Variants in AFF3 observed in about 807,000 individuals in gnomAD.
The protein encoded by AFF3 is AF4/FMR2 family member 3.
Under a neutral mutation model 129.7 loss-of-function variants are expected in AFF3, and 32 were observed. The observed-to-expected ratio is 0.25, with a 90% CI of 0.19 to 0.33. The LOEUF (loss-of-function observed/expected upper bound fraction) is 0.33, where lower values mean the gene tolerates loss of function less well. Among genes scored for constraint, AFF3 ranks in the 10% least tolerant of loss-of-function variants. AFF3 has a pLI of 1.00. For synonymous variants in AFF3, 644 were observed against 635.4 expected, an observed-to-expected ratio of 1.01 and a Z score of -0.20; for missense variants, 1,373 against 1,592.0, an observed-to-expected ratio of 0.86 and a Z score of 2.34.
At chr2:99,991,014 G>A (rs1680288089) in intron 7 of AFF3, among the ~76,000 whole-genome samples, 2 of 152,052 alleles carry the variant, frequency 1.3e-5, no homozygotes, top group Admixed American at 1.3e-4. Flanking sequence ...CTCAAATGAG[G>A]CCCCGCTGCA....
chr2:99,843,892 G>A (rs1689504922), intron 7 of AFF3, among the ~76,000 whole-genome samples: 2 of 152,068 alleles, frequency 1.3e-5, no homozygotes, highest in African/African-American at 4.8e-5. Flanking sequence ...GAGTTAGCCA[G>A]GTGTGATGGT....
At chr2:99,956,198 A>G (rs1387291232) in intron 7 of AFF3, among the ~76,000 whole-genome samples, 1 of 152,096 alleles carries the variant, frequency 6.6e-6, no homozygotes, top group South Asian at 2.1e-4. Context: ...ACAAGCGACA[A>G]TAATATTACA....
At chr2:99,834,112 A>C (rs1176102301) in intron 8 of AFF3, among the ~76,000 whole-genome samples, 2 of 152,206 alleles carry the variant, frequency 1.3e-5, no homozygotes, top group African/African-American at 2.4e-5. Flanking sequence ...TCCGAATCAT[A>C]AACAGGTAGA....
intron 1 of AFF3, among the ~76,000 whole-genome samples, chr2:100,136,660 AC>A (rs1010650875): frequency 6.6e-6 from 1 of 152,192 alleles, no homozygotes; most frequent in African/African-American, 2.4e-5. Context: ...ATCTGACAAA[AC>A]AAGTAGCACA....
At chr2:99,738,715 T>A (rs1445129132) in intron 10 of AFF3, among the ~76,000 whole-genome samples, 2 of 152,128 alleles carry the variant, frequency 1.3e-5, no homozygotes, top group Admixed American at 6.5e-5. Context: ...AGGGAAGAGC[T>A]GATTTATGGC....
chr2:99,886,857 A>C (rs958573207), intron 7 of AFF3, among the ~76,000 whole-genome samples: 3 of 152,200 alleles, frequency 2.0e-5, no homozygotes, highest in African/African-American at 7.2e-5. Context: ...ATACTTTCTT[A>C]AAGTTTTATT....
Position 99,725,955 on chromosome 2 carries a change from A to G in AFF3, c.1091+1122T>C, listed in dbSNP as rs529132230. ...GTTACTCAAAAGAACTGAATTTTCA[A>G]TGATTCTACCCTTTTCAGTTCTCTA... On this transcript the variant is annotated intron_variant, in intron 11 of 24. Transcript: ENST00000672756. Among the ~76,000 whole-genome samples the G allele has an allele frequency of 7.2e-5, 11 of 152,350 alleles. No individual in the cohort carries two copies. The South Asian group carries it at 1.2e-3, about 17-fold the overall frequency.
intron 4 of AFF3, among the ~76,000 whole-genome samples, chr2:100,017,381 G>A (rs1457813912): frequency 1.3e-5 from 2 of 152,052 alleles, no homozygotes; most frequent in African/African-American, 2.4e-5. Flanking sequence ...CCACAAACAA[G>A]TAAAGGTTAT....
intron 8 of AFF3, among the ~76,000 whole-genome samples, chr2:99,789,237 C>T (rs1330203589): frequency 6.6e-6 from 1 of 151,948 alleles, no homozygotes; most frequent in Non-Finnish European, 1.5e-5. Flanking sequence ...GAGCTCGAGA[C>T]CATCCTGGGC....
At chr2:99,562,094 T>G (rs1675526962) in intron 20 of AFF3, among the ~76,000 whole-genome samples, 1 of 152,250 alleles carries the variant, frequency 6.6e-6, no homozygotes, top group Non-Finnish European at 1.5e-5. Context: ...TTCAGGATAT[T>G]TGGCCTTTAG....
chr2:99,798,328 G>A (rs933806406), intron 8 of AFF3, among the ~76,000 whole-genome samples: 2 of 151,850 alleles, frequency 1.3e-5, no homozygotes, highest in Non-Finnish European at 2.9e-5. Context: ...AGGACAAGAG[G>A]AAAGGGCAAT....
chr2:99,636,751 G>A (rs1683697873), intron 13 of AFF3, among the ~76,000 whole-genome samples: 1 of 152,184 alleles, frequency 6.6e-6, no homozygotes, highest in African/African-American at 2.4e-5. Context: ...GCCAGCACAG[G>A]AAAGGGAGTT....
At chr2:99,671,198 A>T (rs1317014953) in intron 12 of AFF3, among the ~76,000 whole-genome samples, 1 of 152,262 alleles carries the variant, frequency 6.6e-6, no homozygotes, top group Non-Finnish European at 1.5e-5. Flanking sequence ...GGGAAAAAAC[A>T]CAAAGAGTTG....
intron 7 of AFF3, among the ~76,000 whole-genome samples, chr2:99,841,722 C>G (rs1689333560): frequency 6.6e-6 from 1 of 152,150 alleles, no homozygotes; most frequent in Non-Finnish European, 1.5e-5. Flanking sequence ...GATGGAGATG[C>G]CATGGCTCAG....
chr2:100,060,616 A>C (rs1324109393), intron 4 of AFF3, among the ~76,000 whole-genome samples: 1 of 152,136 alleles, frequency 6.6e-6, no homozygotes, highest in Non-Finnish European at 1.5e-5. Flanking sequence ...ATTCTACTTA[A>C]ATAGAATTTT....
intron 10 of AFF3, among the ~76,000 whole-genome samples, chr2:99,728,483 C>T (rs940595111): frequency 6.6e-6 from 1 of 152,150 alleles, no homozygotes; most frequent in Non-Finnish European, 1.5e-5. Flanking sequence ...AGGAATGACT[C>T]CCTAAATTAC....
chr2:99,905,989 CA>C (rs1375738712), intron 7 of AFF3, among the ~76,000 whole-genome samples: 1 of 152,040 alleles, frequency 6.6e-6, no homozygotes, highest in African/African-American at 2.4e-5. Flanking sequence ...ATATTAAATT[CA>C]GGCCTGACTA....
chr2:100,105,461 T>G (rs565217233), intron 3 of AFF3, 43 bp downstream of exon 3: 40 of 1,323,380 alleles, frequency 3.0e-5, no homozygotes, highest in Non-Finnish European at 3.9e-5. Flanking sequence ...ACCCTCTAGC[T>G]GGCCAGCCCT....
chr2:99,726,249 G>A (rs1008937496), intron 11 of AFF3, among the ~76,000 whole-genome samples: 2 of 152,134 alleles, frequency 1.3e-5, no homozygotes, highest in African/African-American at 4.8e-5. Flanking sequence ...AAGACACTCA[G>A]TATTTTACCA....
Sources: gnomAD v4.1 joint callset for allele counts (sites outside exome capture counted in the v4.1 genomes callset) on GRCh38, gnomAD v4.1.1 for gene constraint, MANE v1.5 for transcripts, NCBI Gene and HGNC (gene_info 2026-07-23, HGNC 2026-07-21) for gene names.